MYO5A: variants seen among roughly 807,000 people sequenced by gnomAD.
MYO5A encodes unconventional myosin-Va.
In MYO5A, 98 loss-of-function variants were observed where a neutral mutation model predicts 249.7. That is an observed-to-expected ratio of 0.39 (90% CI 0.33 to 0.46). The LOEUF (loss-of-function observed/expected upper bound fraction) is 0.46, where lower values mean the gene tolerates loss of function less well. Among genes scored for constraint, MYO5A ranks in the 20% least tolerant of loss-of-function variants. The pLI is 0.98. For synonymous variants in MYO5A, 778 were observed against 810.6 expected (o/e 0.96, Z 0.68); for missense variants, 1,696 against 2,308.8 (o/e 0.73, Z 5.44).
intron 40 of MYO5A, among the ~76,000 whole-genome samples, chr15:52,314,612 T>C (rs2037903879): frequency 6.6e-6 from 1 of 152,240 alleles, no homozygotes; most frequent in South Asian, 2.1e-4. Flanking sequence ...ATTAATACTA[T>C]TCTGCAACTT....
chr15:52,386,940 AAAC>A (rs1313503690), intron 14 of MYO5A, among the ~76,000 whole-genome samples: 1 of 152,234 alleles, frequency 6.6e-6, no homozygotes, highest in Non-Finnish European at 1.5e-5. Flanking sequence ...TTTATTCTAA[AAAC>A]AACAGTCAAA....
In MYO5A at chr15:52,319,273, C is replaced by T; in HGVS notation, c.5021G>A (p.Arg1674Gln). The change falls in exon 39 of 42, where the codon CGA (arginine) becomes CAA (glutamine). Residue 1674 changes from arginine (R) to glutamine (Q), a missense_variant. Coordinates refer to ENST00000399233, the MANE Select transcript of MYO5A (RefSeq NM_001382347.1). ...GCCCTCATCGGCGATACTGGAGGTT[C>T]GCTTTCTCAACCCTGTGGGCTTCAC... ...SGVKPTGLRK[R>Q]TSSIADEGTY... 3 of 1,614,136 alleles carry T rather than the reference C, an allele frequency of 1.9e-6. No homozygotes were observed. The highest frequency in any genetic ancestry group is 2.5e-6 in the Non-Finnish European group (3 of 1,180,008).
At chr15:52,344,392 G>A (rs2039519410) in intron 30 of MYO5A, among the ~76,000 whole-genome samples, 2 of 152,054 alleles carry the variant, frequency 1.3e-5, no homozygotes, top group African/African-American at 4.8e-5. Flanking sequence ...CCACACTCCA[G>A]TCCCACGATC....
At chr15:52,505,206 G>A in intron 1 of MYO5A, 1 of 770,500 alleles carries the variant, frequency 1.3e-6, no homozygotes, top group South Asian at 1.4e-5. Flanking sequence ...TTGGAGACCT[G>A]AAAAGCCCCG....
In MYO5A at chr15:52,364,563, G is replaced by A. The variant is rs375151998; in HGVS notation, c.3300C>T (p.Thr1100=). 98 of 1,613,084 alleles carry A rather than the reference G, an allele frequency of 6.1e-5. No homozygotes were observed. Among genetic ancestry groups the A allele is most frequent in the Non-Finnish European group, 7.7e-5 (91 of 1,179,800 alleles). The stretch of plus-strand genomic sequence containing the variant: ...AAAGTGTTTGACTCACCACCATAAG[G>A]GTCATCTCTTCCTTGAGGTCATCAT... ...ERYDDLKEEM[T]LMVHVPKPGH... Residue 1100 remains threonine (T), a synonymous_variant, in exon 24 of 42, where the codon ACC becomes ACT. Transcript: ENST00000399233.
intron 31 of MYO5A, 116 bp downstream of exon 31, chr15:52,343,001 A>G: frequency 1.2e-6 from 1 of 844,390 alleles, no homozygotes; most frequent in East Asian, 2.5e-5. Flanking sequence ...ACTAACACTA[A>G]TTTACCCAAG....
rs1004230400 is a variant in MYO5A at position 52,469,615 on chromosome 15, C to A, written c.28-36330G>T. Reference sequence around the variant, plus strand: ...ACTTTACAGAAATACGTCATAATTTCTGTCTTTTTTGCTTTTCCATTCTCT... The same window carrying A: ...ACTTTACAGAAATACGTCATAATTTATGTCTTTTTTGCTTTTCCATTCTCT... On this transcript the variant is annotated intron_variant, in intron 1 of 41. Transcript: ENST00000399233. Among the ~76,000 whole-genome samples, 3 of 152,280 alleles carry A rather than the reference C, an allele frequency of 2.0e-5. No homozygotes were observed. In the South Asian group the frequency reaches 6.2e-4, roughly 32 times the overall value.
chr15:52,450,412 A>T (rs904803013), intron 1 of MYO5A, among the ~76,000 whole-genome samples: 1 of 152,016 alleles, frequency 6.6e-6, no homozygotes, highest in Non-Finnish European at 1.5e-5. Flanking sequence ...CACGCCTGTA[A>T]TCCCAGCACT....
intron 2 of MYO5A, 151 bp from the exon 3 acceptor site, chr15:52,428,720 G>T: frequency 1.2e-6 from 1 of 824,744 alleles, no homozygotes; most frequent in Non-Finnish European, 2.0e-6. Flanking sequence ...AGAAACTGGT[G>T]GAGATGGAAA....
intron 2 of MYO5A, among the ~76,000 whole-genome samples, chr15:52,430,714 A>G (rs1191423358): frequency 2.0e-5 from 3 of 152,204 alleles, no homozygotes; most frequent in Non-Finnish European, 2.9e-5. Context: ...ATAAAATTAA[A>G]CATAGACACT....
At chr15:52,378,515 C>CAAAAAAAAAAAAAA (rs55803737) in intron 18 of MYO5A, among the ~76,000 whole-genome samples, 443 of 10,344 alleles carry the variant, frequency 0.043, 62 homozygotes, top group East Asian at 0.1. Flanking sequence ...AAGACTGTCT[C>CAAAAAAAAAAAAAA]AAAAAAAAAA....
chr15:52,456,806 C>G (rs1471425140), intron 1 of MYO5A, among the ~76,000 whole-genome samples: 1 of 152,130 alleles, frequency 6.6e-6, no homozygotes, highest in Non-Finnish European at 1.5e-5. Context: ...TCTCAACATA[C>G]ACAAAATATA....
intron 1 of MYO5A, among the ~76,000 whole-genome samples, chr15:52,458,202 G>T (rs1374791153): frequency 1.3e-5 from 2 of 152,180 alleles, no homozygotes; most frequent in Admixed American, 1.3e-4. Context: ...CAATAATAGG[G>T]TGACTATAGC....
intron 21 of MYO5A, among the ~76,000 whole-genome samples, chr15:52,370,735 T>C (rs2041061030): frequency 6.6e-6 from 1 of 152,232 alleles, no homozygotes; most frequent in Non-Finnish European, 1.5e-5. Flanking sequence ...GGAGGATCTA[T>C]ACTTGTTTTT....
At chr15:52,336,028 G>A (rs2039103566) in intron 34 of MYO5A, among the ~76,000 whole-genome samples, 1 of 152,166 alleles carries the variant, frequency 6.6e-6, no homozygotes, top group African/African-American at 2.4e-5. Context: ...TATAAACCAT[G>A]TCAGATAGAT....
At chr15:52,330,694 A>G (rs938169831) in intron 34 of MYO5A, among the ~76,000 whole-genome samples, 195 bp from the exon 35 acceptor site, 1 of 152,156 alleles carries the variant, frequency 6.6e-6, no homozygotes, top group Non-Finnish European at 1.5e-5. Context: ...TGGTCATCTT[A>G]CTCTGAAAGC....
chr15:52,413,195 G>A (rs1595628377), intron 5 of MYO5A, among the ~76,000 whole-genome samples: 1 of 151,224 alleles, frequency 6.6e-6, no homozygotes, highest in East Asian at 1.9e-4. Context: ...TGGTAGAGTG[G>A]CTCACACCCA....
rs758290950 is a variant in MYO5A, at chr15:52,351,285, A to G, written c.3818T>C (p.Leu1273Pro). The G allele has an allele frequency of 1.2e-6, 2 of 1,614,056 alleles. No individual in the cohort carries two copies. ...KEEVLILRSQ[L>P]VSQKEAIQPK... is the part of the protein sequence containing the mutation. ...TTGGATGGCCTCTTTCTGGCTCACC[A>G]GTTGAGACCTTAAGATGAGGACTTC... is the stretch of plus-strand genomic sequence containing the variant. Residue 1273 changes from leucine (L) to proline (P), a missense_variant, in exon 28 of 42, where the codon CTG (leucine) becomes CCG (proline). Around this residue, in one of 5 missense-constraint regions of MYO5A, gnomAD observed 625 missense variants for 908.1 expected, o/e 0.69. Transcript: ENST00000399233.
At chr15:52,427,812 G>T (rs1181784408) in intron 3 of MYO5A, among the ~76,000 whole-genome samples, 1 of 151,934 alleles carries the variant, frequency 6.6e-6, no homozygotes. Flanking sequence ...GAACAAACTG[G>T]GAAAGAGAGA....
Sources: gnomAD v4.1 joint callset for allele counts (sites outside exome capture counted in the v4.1 genomes callset) on GRCh38, gnomAD v4.1.1 for gene constraint, gnomAD v4.1.1 regional missense constraint, MANE v1.5 for transcripts, NCBI Gene and HGNC (gene_info 2026-07-23, HGNC 2026-07-21) for gene names.